SNAP91: variants seen among roughly 807,000 people sequenced by gnomAD.
The protein encoded by SNAP91 is clathrin coat assembly protein AP180.
A neutral mutation model predicts 100.3 loss-of-function variants in SNAP91; 27 were observed. That is an observed-to-expected ratio of 0.27 (90% CI 0.20 to 0.37). SNAP91 has a LOEUF of 0.37. SNAP91 is among the 10% of genes least tolerant of loss of function. The probability of loss-of-function intolerance (pLI) is 1.00; values close to 1 mark genes in which losing one functional copy is unlikely to be tolerated. For missense variants in SNAP91, 986 were observed against 1,123.7 expected, an observed-to-expected ratio of 0.88 and a Z score of 1.75; for synonymous variants, 404 against 398.6, an observed-to-expected ratio of 1.01 and a Z score of -0.16.
At chr6:83,587,987 T>C (rs933490450) in intron 22 of SNAP91, among the ~76,000 whole-genome samples, 13 of 152,144 alleles carry the variant, frequency 8.5e-5, no homozygotes, top group Non-Finnish European at 1.8e-4. Flanking sequence ...TTATGCTAGC[T>C]TATTTTTGTT....
Position 83,607,780 on chromosome 6 carries a change from G to A in SNAP91, c.941C>T (p.Pro314Leu), listed in dbSNP as rs1462709307. Reference protein sequence around the residue: ...KSSPATTVTSPNSTPAKTIDT... With the variant: ...KSSPATTVTSLNSTPAKTIDT... ...AATAGTTTTAGCTGGTGTAGAATTA[G>A]GAGACGTAACAGTTGTGGCTGGAGA... Residue 314 changes from proline (P) to leucine (L), a missense_variant, in exon 13 of 30, where the codon CCT (proline) becomes CTT (leucine). Physicochemically the swap from Pro to Leu is moderately conservative, Grantham distance 98. Coordinates refer to ENST00000369694, the MANE Select transcript of SNAP91 (RefSeq NM_001242792.2). 1.3e-6 allele frequency: 2 copies of A among 1,592,044 alleles called. No homozygotes were observed. Among genetic ancestry groups the A allele is most frequent in the Non-Finnish European group, 1.7e-6 (2 of 1,168,934 alleles).
At chr6:83,669,179 G>C (rs532422741) in intron 2 of SNAP91, among the ~76,000 whole-genome samples, 11 of 152,038 alleles carry the variant, frequency 7.2e-5, no homozygotes, top group Non-Finnish European at 1.6e-4. Context: ...TGTATACCTA[G>C]AAAGAGAATT....
Position 83,661,523 on chromosome 6 carries a change from T to C in SNAP91, c.431A>G (p.Asp144Gly), listed in dbSNP as rs1299120831. Reference sequence around the variant, plus strand: ...ATACCCTTTCTTCACCCTGGCAAAATCAAAGGCCATCTGTCTGTAAGAAAA... The same window carrying C: ...ATACCCTTTCTTCACCCTGGCAAAACCAAAGGCCATCTGTCTGTAAGAAAA... ...KAFSYRQMAF[D>G]FARVKKGADG... The change falls in exon 5 of 30, where the codon GAT becomes GGT. Residue 144 changes from aspartate to glycine, a missense_variant. Asp to Gly is a moderately conservative substitution (Grantham distance 94, BLOSUM62 -1). Transcript: ENST00000369694. 1.2e-6 allele frequency: 2 copies of C among 1,608,406 alleles called. No individual in the cohort carries two copies. Among genetic ancestry groups the C allele is most frequent in the African/African-American group, 2.7e-5 (2 of 74,566 alleles).
Position 83,610,632 on chromosome 6 carries a change from AC to A in SNAP91, c.912+17del, listed in dbSNP as rs1184168714. The A allele has an allele frequency of 9.8e-6, 6 of 609,372 alleles. No individual in the cohort carries two copies. Among genetic ancestry groups the A allele is most frequent in the Non-Finnish European group, 1.8e-5 (6 of 324,544 alleles). The allele number at this position is 609,372 out of a possible 1,614,324, so 37.7% of individuals were successfully genotyped here. On this transcript the variant is annotated intron_variant, in intron 12 of 29. Transcript: ENST00000369694. ...AAAAACAAAAAACAAAAACCCCCAA[AC>A]AAAAAACCAAACTTACCTTACTTAA... is the stretch of plus-strand genomic sequence containing the variant.
At chr6:83,698,982 T>C (rs1458799461) in intron 2 of SNAP91, among the ~76,000 whole-genome samples, 2 of 152,246 alleles carry the variant, frequency 1.3e-5, no homozygotes, top group East Asian at 3.8e-4. Context: ...TGAGCATTTT[T>C]AATTTTCAAA....
At chr6:83,574,295 G>A (rs1353683011) in intron 26 of SNAP91, among the ~76,000 whole-genome samples, 3 of 152,092 alleles carry the variant, frequency 2.0e-5, no homozygotes, top group Admixed American at 6.5e-5. Flanking sequence ...CTGAAAACAC[G>A]TTCTTTTTGT....
intron 16 of SNAP91, among the ~76,000 whole-genome samples, chr6:83,597,046 G>A (rs920229473): frequency 6.6e-6 from 1 of 152,186 alleles, no homozygotes; most frequent in Non-Finnish European, 1.5e-5. Flanking sequence ...TTAGAAGAGG[G>A]TTTTAAAAAA....
intron 7 of SNAP91, among the ~76,000 whole-genome samples, chr6:83,641,517 C>T (rs63034): frequency 0.83 from 126,974 of 152,196 alleles, 53,410 homozygotes; most frequent in East Asian, 0.96. Context: ...TCTTGGAAAA[C>T]AGCAGCAAAT....
rs1452441278 is a variant in SNAP91 at position 83,593,221 on chromosome 6, T to G, written c.1735A>C (p.Lys579Gln). 6.3e-7 allele frequency: 1 copy of G among 1,596,992 alleles called. No individual in the cohort carries two copies. Among genetic ancestry groups the G allele is most frequent in the Admixed American group, 1.7e-5 (1 of 57,628 alleles). ...ESTPEVAAAPKPDAAPSIDLF... is the reference protein window; with the variant it reads ...ESTPEVAAAPQPDAAPSIDLF... ...TCTATGCTAGGAGCAGCATCTGGCT[T>G]AGGCGCTGCAGCAACTTCAGGAGTG... Residue 579 changes from lysine to glutamine, a missense_variant, in exon 19 of 30, where the codon AAG becomes CAG. Coordinates refer to ENST00000369694, the MANE Select transcript of SNAP91 (RefSeq NM_001242792.2).
At chr6:83,648,503 T>C (rs2098057185) in intron 7 of SNAP91, among the ~76,000 whole-genome samples, 1 of 152,156 alleles carries the variant, frequency 6.6e-6, no homozygotes, top group African/African-American at 2.4e-5. Flanking sequence ...AAGTTAGGTG[T>C]ATGTTTCTTT....
intron 16 of SNAP91, 72 bp downstream of exon 16, chr6:83,601,199 T>C: frequency 1.3e-6 from 2 of 1,503,694 alleles, no homozygotes; most frequent in African/African-American, 1.4e-5. Flanking sequence ...ACGGAAAAAA[T>C]TTTAAAGACC....
chr6:83,646,760 A>G (rs2097933536), intron 7 of SNAP91, among the ~76,000 whole-genome samples: 1 of 152,196 alleles, frequency 6.6e-6, no homozygotes, highest in Admixed American at 6.5e-5. Flanking sequence ...ATTGCAATGA[A>G]TCTATAGATC....
intron 16 of SNAP91, among the ~76,000 whole-genome samples, chr6:83,597,605 C>CT: frequency 6.6e-6 from 1 of 152,100 alleles, no homozygotes; most frequent in Non-Finnish European, 1.5e-5. Flanking sequence ...GCAGACTAGT[C>CT]TTTTTTCCCC....
intron 16 of SNAP91, among the ~76,000 whole-genome samples, chr6:83,596,278 A>G (rs1383140730): frequency 6.6e-6 from 1 of 152,220 alleles, no homozygotes; most frequent in Non-Finnish European, 1.5e-5. Flanking sequence ...AAACTAAAGA[A>G]TGAAGAATAC....
intron 22 of SNAP91, among the ~76,000 whole-genome samples, chr6:83,583,278 C>A (rs1831024345): frequency 2.0e-5 from 3 of 152,178 alleles, no homozygotes. Context: ...TATCTATCCC[C>A]ACTGCCCCGA....
intron 17 of SNAP91, 140 bp downstream of exon 17, chr6:83,594,234 G>A (rs1450975640): frequency 1.0e-5 from 7 of 672,764 alleles, no homozygotes; most frequent in South Asian, 1.8e-5. Flanking sequence ...TTAAATGCTG[G>A]CATTATTTAT....
At chr6:83,678,861 C>T (rs1475472935) in intron 2 of SNAP91, 1 of 1,255,996 alleles carries the variant, frequency 8.0e-7, no homozygotes, top group Non-Finnish European at 1.0e-6. Context: ...CTCGGAAGTA[C>T]CAAGGAATAC....
At chr6:83,706,233 T>A (rs1233233035) in intron 2 of SNAP91, among the ~76,000 whole-genome samples, 1 of 152,228 alleles carries the variant, frequency 6.6e-6, no homozygotes, top group Non-Finnish European at 1.5e-5. Flanking sequence ...ATTCATAACC[T>A]ATACCTTTCT....
At chr6:83,670,228 A>G (rs1484656804) in intron 2 of SNAP91, among the ~76,000 whole-genome samples, 2 of 144,264 alleles carry the variant, frequency 1.4e-5, no homozygotes, top group African/African-American at 5.3e-5. Flanking sequence ...CATCTCTGCT[A>G]AGACTTGATA....
Sources: gnomAD v4.1 joint callset for allele counts (sites outside exome capture counted in the v4.1 genomes callset) on GRCh38, gnomAD v4.1.1 for gene constraint, MANE v1.5 for transcripts, NCBI Gene and HGNC (gene_info 2026-07-23, HGNC 2026-07-21) for gene names.